Variants in NRXN3 observed in about 807,000 individuals in gnomAD.
NRXN3 encodes neurexin III.
NRXN3 carries 32 observed loss-of-function variants against 137.6 expected under a neutral mutation model. The ratio of observed to expected loss-of-function variants is 0.23; its 90% CI spans 0.18 to 0.31. NRXN3 has a LOEUF of 0.31. Among genes scored for constraint, NRXN3 ranks in the 10% least tolerant of loss-of-function variants. The probability of loss-of-function intolerance (pLI) is 1.00; values close to 1 mark genes in which losing one functional copy is unlikely to be tolerated. For synonymous variants in NRXN3, 798 were observed against 784.5 expected (o/e 1.02, Z -0.29); for missense variants, 1,574 against 2,062.5 (o/e 0.76, Z 4.59).
At chr14:78,599,234 AAT>A (rs1166367949) in intron 4 of NRXN3, among the ~76,000 whole-genome samples, 1 of 152,254 alleles carries the variant, frequency 6.6e-6, no homozygotes, top group Non-Finnish European at 1.5e-5. Context: ...AATGAGGGGA[AAT>A]AGCACATTTC....
At chr14:79,467,078 G>A in intron 15 of NRXN3, 143 bp from the exon 16 acceptor site, 1 of 655,340 alleles carries the variant, frequency 1.5e-6, no homozygotes, top group Non-Finnish European at 2.3e-6. Flanking sequence ...AGCTTTGGGA[G>A]CCGTTCCTCT....
At chr14:79,234,221 A>G (rs1452166648) in intron 15 of NRXN3, among the ~76,000 whole-genome samples, 1 of 147,482 alleles carries the variant, frequency 6.8e-6, no homozygotes, top group Non-Finnish European at 1.5e-5. Flanking sequence ...GGTTCCCAAA[A>G]TACATTCCCT....
chr14:78,781,038 A>G (rs759866764), intron 8 of NRXN3, among the ~76,000 whole-genome samples: 1 of 152,230 alleles, frequency 6.6e-6, no homozygotes, highest in African/African-American at 2.4e-5. Context: ...AGAAGAGTGC[A>G]TCAATAAATT....
chr14:79,554,097 G>A (rs780104809), intron 16 of NRXN3, among the ~76,000 whole-genome samples: 28 of 152,056 alleles, frequency 1.8e-4, no homozygotes, highest in Non-Finnish European at 3.5e-4. Flanking sequence ...AAGGGTGGTC[G>A]GGAAAGAGGT....
intron 1 of NRXN3, among the ~76,000 whole-genome samples, chr14:78,200,538 A>C (rs2061583117): frequency 6.6e-6 from 1 of 152,160 alleles, no homozygotes; most frequent in Non-Finnish European, 1.5e-5. Context: ...TGTTTTTAGA[A>C]GCCTTTCAGG....
At chr14:78,617,848 T>A (rs2097361609) in intron 4 of NRXN3, among the ~76,000 whole-genome samples, 1 of 151,508 alleles carries the variant, frequency 6.6e-6, no homozygotes, top group African/African-American at 2.4e-5. Context: ...TCTGTCTATC[T>A]ATCATCTATT....
chr14:79,368,434 CAGAATAA>C (rs1033107955), intron 15 of NRXN3, among the ~76,000 whole-genome samples: 2 of 152,162 alleles, frequency 1.3e-5, no homozygotes, highest in African/African-American at 4.8e-5. Flanking sequence ...TTAATAAGCA[CAGAATAA>C]AGAAAACTTG....
chr14:78,533,309 C>T (rs2096494469), intron 4 of NRXN3, among the ~76,000 whole-genome samples: 1 of 152,120 alleles, frequency 6.6e-6, no homozygotes, highest in African/African-American at 2.4e-5. Context: ...TGGTCTCAAA[C>T]TCCTGACCTC....
At chr14:78,207,366 A>T (rs986319005) in intron 1 of NRXN3, among the ~76,000 whole-genome samples, 8 of 151,958 alleles carry the variant, frequency 5.3e-5, no homozygotes, top group Non-Finnish European at 2.9e-5. Context: ...TTCTAATCCT[A>T]TGCTTTTCAC....
chr14:78,314,987 CTTTCTCT>C (rs1206216283), intron 4 of NRXN3, among the ~76,000 whole-genome samples: 1 of 63,548 alleles, frequency 1.6e-5, no homozygotes, highest in Non-Finnish European at 2.8e-5. Context: ...TCCTTCCTTC[CTTTCTCT>C]TTCTTTCTTT....
At chr14:78,502,164 C>T (rs1370549458) in intron 4 of NRXN3, among the ~76,000 whole-genome samples, 1 of 152,120 alleles carries the variant, frequency 6.6e-6, no homozygotes, top group Non-Finnish European at 1.5e-5. Flanking sequence ...GAGGCCTGTC[C>T]ATCTCCTAGT....
At chr14:79,460,710 A>T (rs1022686181) in intron 15 of NRXN3, among the ~76,000 whole-genome samples, 2 of 152,176 alleles carry the variant, frequency 1.3e-5, no homozygotes, top group Non-Finnish European at 2.9e-5. Flanking sequence ...CAACAGAGAG[A>T]AATAGATTGC....
intron 15 of NRXN3, among the ~76,000 whole-genome samples, chr14:79,131,648 C>A (rs2057496415): frequency 1.3e-5 from 2 of 152,202 alleles, no homozygotes; most frequent in Non-Finnish European, 2.9e-5. Flanking sequence ...TGTGCCCTGC[C>A]CCCAGAGGTG....
At chr14:79,537,099 C>A (rs1207838100) in intron 16 of NRXN3, among the ~76,000 whole-genome samples, 2 of 152,188 alleles carry the variant, frequency 1.3e-5, no homozygotes. Context: ...ATTCCTACTT[C>A]TCCACAGCCT....
intron 2 of NRXN3, among the ~76,000 whole-genome samples, chr14:78,271,526 C>G (rs2072745417): frequency 1.3e-5 from 2 of 151,524 alleles, no homozygotes; most frequent in African/African-American, 2.4e-5. Context: ...CTGATTATAT[C>G]TGTAACAACC....
intron 1 of NRXN3, among the ~76,000 whole-genome samples, chr14:78,233,504 C>T (rs1382669745): frequency 1.3e-5 from 2 of 151,980 alleles, no homozygotes; most frequent in Non-Finnish European, 2.9e-5. Flanking sequence ...ACATAGAACC[C>T]CTAAAGATGT....
intron 4 of NRXN3, among the ~76,000 whole-genome samples, chr14:78,466,189 AAAC>A (rs1376381897): frequency 2.0e-5 from 3 of 152,292 alleles, no homozygotes; most frequent in South Asian, 2.1e-4. Context: ...ACAAACAGAC[AAAC>A]AACAACAACA....
chr14:79,753,246 T>C (rs1307472837), intron 19 of NRXN3, among the ~76,000 whole-genome samples: 1 of 151,926 alleles, frequency 6.6e-6, no homozygotes, highest in African/African-American at 2.4e-5. Context: ...CTATAAATCA[T>C]GCTGCTATAA....
chr14:78,257,461 G>GAGCAT (rs924630666), intron 2 of NRXN3, among the ~76,000 whole-genome samples: 5 of 152,236 alleles, frequency 3.3e-5, no homozygotes, highest in Non-Finnish European at 1.5e-5. Flanking sequence ...GCTTAAAAGG[G>GAGCAT]AGCATGTTAC....
Sources: gnomAD v4.1 joint callset for allele counts (sites outside exome capture counted in the v4.1 genomes callset) on GRCh38, gnomAD v4.1.1 for gene constraint, MANE v1.5 for transcripts, NCBI Gene and HGNC (gene_info 2026-07-23, HGNC 2026-07-21) for gene names.